ZHX2: variants seen among roughly 807,000 people sequenced by gnomAD.
The protein encoded by ZHX2 is zinc fingers and homeoboxes 2.
ZHX2 carries 6 observed loss-of-function variants against 21.9 expected under a neutral mutation model. The observed-to-expected ratio is 0.27, with a 90% CI of 0.15 to 0.54. The LOEUF (loss-of-function observed/expected upper bound fraction) is 0.54, where lower values mean the gene tolerates loss of function less well. Among genes scored for constraint, ZHX2 ranks in the 20% least tolerant of loss-of-function variants. The pLI, the probability that ZHX2 is intolerant of heterozygous loss-of-function variation, is 0.95. For missense variants in ZHX2, 908 were observed against 1,090.7 expected, an observed-to-expected ratio of 0.83 and a Z score of 2.36; for synonymous variants, 434 against 437.1, an observed-to-expected ratio of 0.99 and a Z score of 0.09.
At position 122,955,069 on chromosome 8, in the gene ZHX2, C is replaced by T. The variant is rs1435855536; in HGVS notation, c.*4+1041C>T. On this transcript the variant is annotated intron_variant, in intron 3 of 3. Transcript: ENST00000314393. ...ATTAGGCCTGTAGAGTCACATAAGC[C>T]GGGGGGGGGGGGGTGGCAGGGCGGT... 2.4e-4 allele frequency among the ~76,000 whole-genome samples: 5 copies of T among 20,696 alleles called. 1 individual carries two copies. The highest frequency in any genetic ancestry group is 4.6e-4 in the Non-Finnish European group (4 of 8,632). 13.6% of individuals were successfully genotyped at this position (20,696 alleles called of 152,430 possible). A position where few individuals can be genotyped will look rare whatever the true frequency, so the allele number is the denominator to read the frequency against.
chr8:122,877,984 A>G (rs1236344566), intron 2 of ZHX2, among the ~76,000 whole-genome samples: 1 of 152,168 alleles, frequency 6.6e-6, no homozygotes, highest in Non-Finnish European at 1.5e-5. Flanking sequence ...AGTGAGACAT[A>G]AGGGGGAGAG....
At chr8:122,847,463 G>A (rs1341318248) in intron 1 of ZHX2, among the ~76,000 whole-genome samples, 1 of 152,192 alleles carries the variant, frequency 6.6e-6, no homozygotes, top group Non-Finnish European at 1.5e-5. Flanking sequence ...TGACAGGCAC[G>A]TCATGTCATT....
chr8:122,951,480 A>C lies in ZHX2; in HGVS notation c.-31A>C. 1.3e-6 allele frequency: 2 copies of C among 1,561,918 alleles called. No homozygotes were observed. The highest frequency in any genetic ancestry group is 8.7e-7 in the Non-Finnish European group (1 of 1,144,622). On this transcript the variant is annotated 5_prime_UTR_variant, in exon 3 of 4. Transcript: ENST00000314393. ...CACCGCCCCCTCCTTATCCCCCTCCAAAAATAAGCCATTGCACACAGACAG... is the reference window on the plus strand; with the variant it reads ...CACCGCCCCCTCCTTATCCCCCTCCCAAAATAAGCCATTGCACACAGACAG...
At chr8:122,891,273 TGTG>T (rs1819972523) in intron 2 of ZHX2, among the ~76,000 whole-genome samples, 3 of 2,308 alleles carry the variant, frequency 1.3e-3, no homozygotes, top group Admixed American at 8.8e-3. Flanking sequence ...TGGTAGATTG[TGTG>T]TGTGTGTGTG....
At chr8:122,801,315 C>A (rs1817715368) in intron 1 of ZHX2, among the ~76,000 whole-genome samples, 2 of 152,092 alleles carry the variant, frequency 1.3e-5, no homozygotes, top group Non-Finnish European at 2.9e-5. Context: ...CTGCAAATTT[C>A]CCATAATGAC....
chr8:122,955,366 A>G (rs1813273417), intron 3 of ZHX2, among the ~76,000 whole-genome samples: 1 of 152,168 alleles, frequency 6.6e-6, no homozygotes, highest in Non-Finnish European at 1.5e-5. Flanking sequence ...TTTACAAAAT[A>G]TAAAATAAAG....
intron 2 of ZHX2, among the ~76,000 whole-genome samples, chr8:122,944,140 C>A (rs1812912748): frequency 6.6e-6 from 1 of 152,184 alleles, no homozygotes; most frequent in African/African-American, 2.4e-5. Flanking sequence ...CCCTGCTTAT[C>A]CAGGAGAGAC....
At chr8:122,858,081 C>T (rs539786291) in intron 1 of ZHX2, among the ~76,000 whole-genome samples, 2 of 152,296 alleles carry the variant, frequency 1.3e-5, no homozygotes, top group Non-Finnish European at 2.9e-5. Context: ...GAGTGAGGGC[C>T]GAGCTCGGGC....
At chr8:122,955,841 T>A in intron 3 of ZHX2, among the ~76,000 whole-genome samples, 1 of 128,766 alleles carries the variant, frequency 7.8e-6, no homozygotes, top group South Asian at 3.0e-4. Flanking sequence ...AGGGAGTGAT[T>A]TTTTTTTTTT....
chr8:122,916,080 C>A (rs1234853806), intron 2 of ZHX2, among the ~76,000 whole-genome samples: 1 of 152,232 alleles, frequency 6.6e-6, no homozygotes, highest in Non-Finnish European at 1.5e-5. Flanking sequence ...TGGGTTTCAA[C>A]GGCCTGCCTT....
chr8:122,950,511 A>C (rs112186791), intron 2 of ZHX2, among the ~76,000 whole-genome samples: 38,905 of 151,888 alleles, frequency 0.26, 6,100 homozygotes, highest in South Asian at 0.39. Context: ...TGATGGGTGC[A>C]GCAAACCACC....
intron 1 of ZHX2, among the ~76,000 whole-genome samples, chr8:122,829,961 A>G (rs1159258503): frequency 6.6e-6 from 1 of 152,220 alleles, no homozygotes. Flanking sequence ...GAGGGACGGA[A>G]GCATGTTAAG....
At chr8:122,968,581 G>A (rs1184376768) in intron 3 of ZHX2, among the ~76,000 whole-genome samples, 1 of 152,212 alleles carries the variant, frequency 6.6e-6, no homozygotes, top group Non-Finnish European at 1.5e-5. Flanking sequence ...GCTCATGCCT[G>A]TAATCGCAGC....
intron 1 of ZHX2, among the ~76,000 whole-genome samples, chr8:122,804,364 A>C (rs7014080): frequency 0.83 from 126,344 of 152,118 alleles, 52,611 homozygotes; most frequent in Admixed American, 0.88. Flanking sequence ...CCACCTCGGC[A>C]TCCCAAAGTG....
chr8:122,937,470 G>A (rs569917675), intron 2 of ZHX2, among the ~76,000 whole-genome samples: 6 of 152,264 alleles, frequency 3.9e-5, no homozygotes, highest in East Asian at 1.9e-4. Context: ...AGATGCACAC[G>A]GCATGCACTT....
chr8:122,857,921 C>T (rs568642142), intron 1 of ZHX2, among the ~76,000 whole-genome samples: 1 of 152,332 alleles, frequency 6.6e-6, no homozygotes, highest in Admixed American at 6.5e-5. Context: ...GTTATGTGAG[C>T]AATTTTGCAG....
At chr8:122,858,194 C>A (rs549992774) in intron 1 of ZHX2, among the ~76,000 whole-genome samples, 290 of 152,330 alleles carry the variant, frequency 1.9e-3, no homozygotes, top group Non-Finnish European at 3.3e-3. Context: ...CTGTCTCTCT[C>A]GTGTGCTCCC....
intron 2 of ZHX2, among the ~76,000 whole-genome samples, chr8:122,945,294 C>T (rs541417661): frequency 6.6e-6 from 1 of 152,140 alleles, no homozygotes; most frequent in African/African-American, 2.4e-5. Context: ...AATTGAGTTG[C>T]ATTCCACTTG....
intron 3 of ZHX2, among the ~76,000 whole-genome samples, chr8:122,963,982 G>T (rs1172504799): frequency 6.6e-6 from 1 of 151,992 alleles, no homozygotes; most frequent in East Asian, 1.9e-4. Context: ...TAGTGCCACT[G>T]ATTTGTGTAC....
Sources: allele counts gnomAD v4.1 joint callset (sites outside exome capture counted in the v4.1 genomes callset), GRCh38; gene constraint gnomAD v4.1.1; transcripts MANE v1.5; gene names NCBI Gene and HGNC (gene_info 2026-07-23, HGNC 2026-07-21).